Variants in CHST8 observed in about 807,000 individuals in gnomAD.
CHST8 encodes the protein carbohydrate sulfotransferase 8.
Under a neutral mutation model 15.0 loss-of-function variants are expected in CHST8, and 10 were observed. The ratio of observed to expected loss-of-function variants is 0.67; its 90% CI spans 0.41 to 1.13. The LOEUF (loss-of-function observed/expected upper bound fraction) is 1.13, where lower values mean the gene tolerates loss of function less well. Ranked by LOEUF, CHST8 falls within the 50% of genes most tolerant of loss-of-function variation. CHST8 has a pLI of 0.00. For synonymous variants in CHST8, 259 were observed against 256.6 expected (o/e 1.01, Z -0.09); for missense variants, 634 against 608.2 (o/e 1.04, Z -0.45).
chr19:33,679,265 C>T (rs962386845), intron 2 of CHST8, among the ~76,000 whole-genome samples: 2 of 152,292 alleles, frequency 1.3e-5, no homozygotes, highest in Middle Eastern at 3.4e-3. Flanking sequence ...ATGTCAGAGC[C>T]GCTGGAAAAT....
At chr19:33,692,993 C>A (rs192321340) in intron 3 of CHST8, among the ~76,000 whole-genome samples, 2 of 150,650 alleles carry the variant, frequency 1.3e-5, no homozygotes, top group African/African-American at 4.9e-5. Context: ...ATAACTATTT[C>A]TTTTTTCTTT....
In CHST8 at chr19:33,757,426, GAA is replaced by G. The variant is rs1325941113; in HGVS notation, c.131-13985_131-13984del. Among the ~76,000 whole-genome samples, 15 of 12,048 alleles carry G rather than the reference GAA, an allele frequency of 1.2e-3. 1 individual carries two copies. The highest frequency in any genetic ancestry group is 1.5e-3 in the African/African-American group (5 of 3,256). The allele number at this position is 12,048 out of a possible 152,430, so 7.9% of individuals were successfully genotyped here. On this transcript the variant is annotated intron_variant, in intron 3 of 4. Coordinates refer to ENST00000650847, the MANE Select transcript of CHST8 (RefSeq NM_001127895.2). ...AGAAAGAAAGAAAGAAAGAAAGAAAGAAAGAAAGAAAGAAAGAAAGAAAGAAA... is the reference window on the plus strand; with the variant it reads ...AGAAAGAAAGAAAGAAAGAAAGAAAGAGAAAGAAAGAAAGAAAGAAAGAAA...
chr19:33,726,017 G>C (rs766399711), intron 3 of CHST8, among the ~76,000 whole-genome samples: 1 of 152,226 alleles, frequency 6.6e-6, no homozygotes, highest in Non-Finnish European at 1.5e-5. Flanking sequence ...GTCATTGCCC[G>C]CTGCAGCAGG....
At chr19:33,637,761 G>A (rs1460051905) in intron 1 of CHST8, among the ~76,000 whole-genome samples, 1 of 145,832 alleles carries the variant, frequency 6.9e-6, no homozygotes, top group Admixed American at 6.7e-5. Context: ...TCTTTGGGAG[G>A]CCCAGGCAGG....
chr19:33,715,679 T>C (rs1171525917), intron 3 of CHST8, among the ~76,000 whole-genome samples: 1 of 152,218 alleles, frequency 6.6e-6, no homozygotes, highest in Non-Finnish European at 1.5e-5. Context: ...CTTGCTGGGC[T>C]AGCTGGCCTT....
intron 3 of CHST8, among the ~76,000 whole-genome samples, chr19:33,759,408 C>G (rs537222482): frequency 4.0e-4 from 61 of 152,362 alleles, no homozygotes; most frequent in African/African-American, 1.3e-3. Context: ...ATTTAACCCA[C>G]CAGGCATGGT....
At chr19:33,684,354 C>A (rs1568326185) in intron 2 of CHST8, among the ~76,000 whole-genome samples, 1 of 152,182 alleles carries the variant, frequency 6.6e-6, no homozygotes, top group South Asian at 2.1e-4. Flanking sequence ...CCGGCAGGGG[C>A]CTGGGTGTGC....
At chr19:33,671,193 TG>T (rs1467764542) in intron 2 of CHST8, among the ~76,000 whole-genome samples, 4 of 152,334 alleles carry the variant, frequency 2.6e-5, no homozygotes, top group African/African-American at 7.2e-5. Flanking sequence ...GAAAAGCTCA[TG>T]GCCGGCAAGT....
At chr19:33,767,530 A>T (rs551444734) in intron 3 of CHST8, among the ~76,000 whole-genome samples, 1 of 152,374 alleles carries the variant, frequency 6.6e-6, no homozygotes, top group Non-Finnish European at 1.5e-5. Context: ...ACTGTGGAAC[A>T]CATTTGGCAG....
At chr19:33,657,565 C>T (rs1568317292) in intron 1 of CHST8, among the ~76,000 whole-genome samples, 1 of 151,972 alleles carries the variant, frequency 6.6e-6, no homozygotes, top group African/African-American at 2.4e-5. Context: ...AGCCACCACA[C>T]CTGGCCACAC....
Position 33,771,335 on chromosome 19 carries a change from C to A in CHST8, c.131-78C>A, listed in dbSNP as rs1974978661. The A allele has an allele frequency of 3.5e-6, 5 of 1,428,598 alleles. No individual in the cohort carries two copies. In the African/African-American group the frequency reaches 7.0e-5, roughly 20 times the overall value. 88.5% of individuals were successfully genotyped at this position (1,428,598 alleles called of 1,614,324 possible). A position where few individuals can be genotyped will look rare whatever the true frequency, so the allele number is the denominator to read the frequency against. On this transcript the variant is annotated intron_variant, in intron 3 of 4. Coordinates refer to ENST00000650847, the MANE Select transcript of CHST8 (RefSeq NM_001127895.2). ...ATCCCTCCAGCCTGGATGTCCACAGCCAGCAGCCCATAAGCAGTTCCCTGG... is the reference window on the plus strand; with the variant it reads ...ATCCCTCCAGCCTGGATGTCCACAGACAGCAGCCCATAAGCAGTTCCCTGG...
chr19:33,671,436 A>C (rs1254330921), intron 2 of CHST8, among the ~76,000 whole-genome samples: 3 of 152,184 alleles, frequency 2.0e-5, no homozygotes, highest in African/African-American at 7.2e-5. Context: ...GCCAAAGTCC[A>C]GGTCAGAGAG....
rs1219943031 is a variant in CHST8 at position 33,772,317 on chromosome 19, A to C, written c.529A>C (p.Thr177Pro). ...GGCGAGCAGCAGCCGCCGGGCCGTC[A>C]CGCCCCGCCACGTGTCCCGTATCTT... is the stretch of plus-strand genomic sequence containing the variant. ...YRASSSRRAV[T>P]PRHVSRIFVE... Residue 177 changes from threonine to proline, a missense_variant, in exon 5 of 5, where the codon ACG becomes CCG. Thr to Pro is a conservative substitution (Grantham distance 38). Coordinates refer to ENST00000650847, the MANE Select transcript of CHST8 (RefSeq NM_001127895.2). 6.2e-7 allele frequency: 1 copy of C among 1,604,512 alleles called. No individual in the cohort carries two copies. Among genetic ancestry groups the C allele is most frequent in the South Asian group, 1.1e-5 (1 of 90,958 alleles).
intron 2 of CHST8, among the ~76,000 whole-genome samples, chr19:33,678,881 C>G (rs949587767): frequency 6.6e-6 from 1 of 152,250 alleles, no homozygotes; most frequent in Admixed American, 6.5e-5. Flanking sequence ...CCGAAGGACC[C>G]AGCTGGCTCC....
At chr19:33,768,788 G>T (rs1482669543) in intron 3 of CHST8, among the ~76,000 whole-genome samples, 2 of 152,166 alleles carry the variant, frequency 1.3e-5, no homozygotes, top group African/African-American at 2.4e-5. Flanking sequence ...AGCTTGTGGG[G>T]ATAGGTCTAA....
At chr19:33,719,574 G>A (rs958328255) in intron 3 of CHST8, among the ~76,000 whole-genome samples, 4 of 152,036 alleles carry the variant, frequency 2.6e-5, no homozygotes, top group Middle Eastern at 3.4e-3. Flanking sequence ...GACAGAACTC[G>A]GGGGGACACC....
intron 3 of CHST8, among the ~76,000 whole-genome samples, chr19:33,750,827 C>T (rs969712407): frequency 1.3e-5 from 2 of 152,182 alleles, no homozygotes; most frequent in Middle Eastern, 3.4e-3. Flanking sequence ...ATCTGATACC[C>T]TTTCAGACCG....
At chr19:33,704,542 C>T (rs538281565) in intron 3 of CHST8, among the ~76,000 whole-genome samples, 13 of 152,314 alleles carry the variant, frequency 8.5e-5, no homozygotes, top group African/African-American at 2.6e-4. Context: ...CCACTCCAGC[C>T]CAGAGCTCTG....
At chr19:33,686,940 A>G (rs539217131) in intron 2 of CHST8, among the ~76,000 whole-genome samples, 8 of 152,292 alleles carry the variant, frequency 5.3e-5, no homozygotes, top group African/African-American at 1.9e-4. Context: ...ACCGTGCAAT[A>G]GCAGCTGCTC....
Sources: allele counts gnomAD v4.1 joint callset (sites outside exome capture counted in the v4.1 genomes callset), GRCh38; gene constraint gnomAD v4.1.1; transcripts MANE v1.5; gene names NCBI Gene and HGNC (gene_info 2026-07-23, HGNC 2026-07-21).